INPP4A: variants seen among roughly 807,000 people sequenced by gnomAD.
INPP4A encodes inositol polyphosphate-4-phosphatase, type I, 107kD.
In INPP4A, 33 loss-of-function variants were observed where a neutral mutation model predicts 119.8. The ratio of observed to expected loss-of-function variants is 0.28; its 90% CI spans 0.21 to 0.37. The LOEUF (loss-of-function observed/expected upper bound fraction) is 0.37. Ranked by LOEUF, INPP4A falls within the 10% of genes least tolerant of loss-of-function variation. The probability of loss-of-function intolerance (pLI) is 1.00; values close to 1 mark genes in which losing one functional copy is unlikely to be tolerated. For missense variants in INPP4A, 956 were observed against 1,289.9 expected, an observed-to-expected ratio of 0.74 and a Z score of 3.97; for synonymous variants, 496 against 500.7, an observed-to-expected ratio of 0.99 and a Z score of 0.12.
chr2:98,581,895 G>A (rs1289814814), intron 24 of INPP4A: 8 of 1,351,976 alleles, frequency 5.9e-6, no homozygotes, highest in East Asian at 5.4e-5. Flanking sequence ...ACATTTTGAC[G>A]TTTTGTTCTT....
chr2:98,586,336 GTT>G (rs372688108), intron 24 of INPP4A, among the ~76,000 whole-genome samples: 1 of 144,992 alleles, frequency 6.9e-6, no homozygotes, highest in Non-Finnish European at 1.5e-5. Flanking sequence ...TGCCACTGAT[GTT>G]TTTTTTTTTT....
intron 1 of INPP4A, among the ~76,000 whole-genome samples, chr2:98,516,430 A>C (rs1686137588): frequency 1.3e-5 from 2 of 152,050 alleles, no homozygotes; most frequent in South Asian, 4.1e-4. Flanking sequence ...CCACCCTCCT[A>C]AGGGCAGAGC....
chr2:98,572,946 A>C lies in INPP4A; in HGVS notation c.2631+19A>C. 15 of 1,532,338 alleles carry C rather than the reference A, an allele frequency of 9.8e-6. No homozygotes were observed. The highest frequency in any genetic ancestry group is 1.3e-5 in the Non-Finnish European group (15 of 1,128,134). 94.9% of individuals were successfully genotyped at this position (1,532,338 alleles called of 1,614,324 possible). ...TGCTGAGGTACTGGTTACAGAGAGG[A>C]AAAGGAGGCTATTGCGGTGCCCACA... is the stretch of plus-strand genomic sequence containing the variant. On this transcript the variant is annotated intron_variant, in intron 23 of 24. Transcript: ENST00000409851.
In INPP4A at chr2:98,581,697, C is replaced by G. The variant is rs762628218; in HGVS notation, c.2786+4554C>G. ...TTTATTAGCTCTGAGCCCCAATTTA[C>G]TGATTGTGTGGCTCTTTCTGAGCAT... On this transcript the variant is annotated intron_variant, in intron 24 of 24. Transcript: ENST00000409851. 2.5e-6 allele frequency: 4 copies of G among 1,612,848 alleles called. No homozygotes were observed. The South Asian group carries it at 3.3e-5, about 13-fold the overall frequency.
chr2:98,579,117 G>C (rs1291303698), intron 24 of INPP4A, among the ~76,000 whole-genome samples: 13 of 151,008 alleles, frequency 8.6e-5, no homozygotes, highest in African/African-American at 3.2e-4. Flanking sequence ...CAATGGTGCA[G>C]TCTTGGCTCA....
At chr2:98,534,548 A>G (rs556873554) in intron 5 of INPP4A, among the ~76,000 whole-genome samples, 2 of 152,230 alleles carry the variant, frequency 1.3e-5, no homozygotes, top group African/African-American at 2.4e-5. Context: ...GGGACTCCAC[A>G]TGAAGAGCAC....
At chr2:98,544,067 T>A in intron 11 of INPP4A, 60 bp downstream of exon 11, 23 of 1,270,756 alleles carry the variant, frequency 1.8e-5, no homozygotes, top group East Asian at 2.6e-5. Context: ...ACACACACTC[T>A]CACTCTCACT....
At chr2:98,491,851 AT>A (rs1680851773) in intron 1 of INPP4A, among the ~76,000 whole-genome samples, 1 of 152,162 alleles carries the variant, frequency 6.6e-6, no homozygotes, top group South Asian at 2.1e-4. Flanking sequence ...ATGGGGCTGC[AT>A]CCCCACAAAC....
chr2:98,506,228 G>C (rs970219393), intron 1 of INPP4A, among the ~76,000 whole-genome samples: 1 of 152,226 alleles, frequency 6.6e-6, no homozygotes, highest in African/African-American at 2.4e-5. Context: ...AAAAGATGAT[G>C]CCTTTTATTA....
chr2:98,496,660 A>G (rs568258475), intron 1 of INPP4A, among the ~76,000 whole-genome samples: 3 of 152,252 alleles, frequency 2.0e-5, no homozygotes, highest in Admixed American at 1.3e-4. Flanking sequence ...AAGGAACTCA[A>G]ACAACTCAAT....
intron 13 of INPP4A, chr2:98,548,837 C>T (rs1309179720): frequency 5.2e-6 from 5 of 962,726 alleles, no homozygotes; most frequent in Non-Finnish European, 8.0e-6. Context: ...GTTGGGACCT[C>T]AACAAATAAT....
intron 14 of INPP4A, among the ~76,000 whole-genome samples, chr2:98,553,544 A>AACACGCTCTCATACACACAC (rs374095092): frequency 1.3e-5 from 2 of 151,542 alleles, no homozygotes; most frequent in Non-Finnish European, 2.9e-5. Context: ...AGCGCACACA[A>AACACGCTCTCATACACACAC]ACACGCTCTC....
chr2:98,548,373 G>C (rs1165621576), intron 13 of INPP4A, among the ~76,000 whole-genome samples: 1 of 152,046 alleles, frequency 6.6e-6, no homozygotes, highest in Non-Finnish European at 1.5e-5. Flanking sequence ...AGAAGACGCA[G>C]CTTCCTGTGC....
chr2:98,465,449 C>A (rs747293470), intron 1 of INPP4A, among the ~76,000 whole-genome samples: 5 of 152,186 alleles, frequency 3.3e-5, no homozygotes, highest in African/African-American at 1.2e-4. Flanking sequence ...TCTCAAGATT[C>A]GAAACTTAAT....
At chr2:98,531,681 G>A (rs1325726145) in intron 4 of INPP4A, among the ~76,000 whole-genome samples, 1 of 152,146 alleles carries the variant, frequency 6.6e-6, no homozygotes, top group Non-Finnish European at 1.5e-5. Flanking sequence ...AGAGGCCTAG[G>A]CACAATATAT....
chr2:98,536,421 G>A, intron 7 of INPP4A, among the ~76,000 whole-genome samples: 1 of 152,158 alleles, frequency 6.6e-6, no homozygotes, highest in South Asian at 2.1e-4. Flanking sequence ...TATGAGCACA[G>A]CTGTACCAAG....
At chr2:98,559,007 C>G (rs188755832) in intron 16 of INPP4A, among the ~76,000 whole-genome samples, 1 of 152,190 alleles carries the variant, frequency 6.6e-6, no homozygotes, top group African/African-American at 2.4e-5. Flanking sequence ...CAGGCTTCCC[C>G]GGTGAATCAG....
intron 1 of INPP4A, among the ~76,000 whole-genome samples, chr2:98,515,096 G>T (rs563539152): frequency 6.6e-6 from 1 of 152,228 alleles, no homozygotes; most frequent in South Asian, 2.1e-4. Context: ...AGGTTCATCC[G>T]CATCCTTTGC....
intron 4 of INPP4A, among the ~76,000 whole-genome samples, chr2:98,529,381 G>C (rs1688777574): frequency 6.6e-6 from 1 of 152,090 alleles, no homozygotes; most frequent in Admixed American, 6.5e-5. Flanking sequence ...GTTGTTTTTG[G>C]ATTGATGAGA....
Sources: gnomAD v4.1 joint callset for allele counts (sites outside exome capture counted in the v4.1 genomes callset) on GRCh38, gnomAD v4.1.1 for gene constraint, MANE v1.5 for transcripts, NCBI Gene and HGNC (gene_info 2026-07-23, HGNC 2026-07-21) for gene names.